Variants in USP36 observed in about 807,000 individuals in gnomAD.
The protein encoded by USP36 is ubiquitin specific peptidase 36.
A neutral mutation model predicts 111.5 loss-of-function variants in USP36; 59 were observed. The observed-to-expected ratio is 0.53, with a 90% CI of 0.43 to 0.66. The LOEUF (loss-of-function observed/expected upper bound fraction) is 0.66, where lower values mean the gene tolerates loss of function less well. USP36 is among the 30% of genes least tolerant of loss of function. The probability of loss-of-function intolerance (pLI) is 0.00; values close to 1 mark genes in which losing one functional copy is unlikely to be tolerated. For missense variants in USP36, 1,488 were observed against 1,468.0 expected (o/e 1.01, Z -0.22); for synonymous variants, 628 against 581.0 (o/e 1.08, Z -1.16).
rs531478479 is a variant in USP36, at chr17:78,815,834, T to C, written c.1024-1282A>G. 4.4e-3 allele frequency among the ~76,000 whole-genome samples: 597 copies of C among 134,646 alleles called. 12 individuals carry two copies. The East Asian group carries it at 0.068, about 15-fold the overall frequency. The allele number at this position is 134,646 out of a possible 152,430, so 88.3% of individuals were successfully genotyped here. Reference sequence around the variant, plus strand: ...TCGTATACACACATGCACACATATATACATACACACACACATATGCATGCA... The same window carrying C: ...TCGTATACACACATGCACACATATACACATACACACACACATATGCATGCA... On this transcript the variant is annotated intron_variant, in intron 10 of 20. Coordinates refer to ENST00000449938, the MANE Select transcript of USP36 (RefSeq NM_001385174.1).
At chr17:78,834,817 G>T (rs2068494614) in intron 4 of USP36, among the ~76,000 whole-genome samples, 1 of 151,884 alleles carries the variant, frequency 6.6e-6, no homozygotes, top group African/African-American at 2.4e-5. Flanking sequence ...TACAACAACA[G>T]ATGCATAAAA....
intron 6 of USP36, among the ~76,000 whole-genome samples, chr17:78,822,938 G>C (rs2094365516): frequency 2.0e-5 from 3 of 152,106 alleles, no homozygotes; most frequent in African/African-American, 7.2e-5. Context: ...AGGCTCTCCA[G>C]CCCCGTCTCC....
In USP36 at chr17:78,803,781, G is replaced by A. The variant is rs756686721; in HGVS notation, c.2414C>T (p.Pro805Leu). 19 of 1,612,730 alleles carry A rather than the reference G, an allele frequency of 1.2e-5. No homozygotes were observed. The highest frequency in any genetic ancestry group is 1.7e-4 in the Middle Eastern group (1 of 5,916). ...TTTCCTCTTCTCAGAGGGGCTCTGG[G>A]GGGGCTCACTGGCCTCTGGCAACTG... is the stretch of plus-strand genomic sequence containing the variant. ...PHQLPEASEP[P>L]QSPSEKRKKT... is the part of the protein sequence containing the mutation. Residue 805 changes from proline to leucine, a missense_variant, in exon 16 of 21, where the codon CCC (proline) becomes CTC (leucine). Around this residue, in one of 3 missense-constraint regions of USP36, gnomAD observed 1,073 missense variants for 994.1 expected, o/e 1.08. Transcript: ENST00000449938. The surrounding 1 kb of genome is among the most constrained non-coding windows in gnomAD (Gnocchi z 4.6).
At chr17:78,820,429 C>T (rs1345176942) in intron 8 of USP36, among the ~76,000 whole-genome samples, 1 of 152,176 alleles carries the variant, frequency 6.6e-6, no homozygotes, top group African/African-American at 2.4e-5. Context: ...CGCCACTGCA[C>T]TCCTGCCTGG....
intron 4 of USP36, among the ~76,000 whole-genome samples, chr17:78,832,554 G>A (rs2068245168): frequency 6.6e-6 from 1 of 152,224 alleles, no homozygotes; most frequent in South Asian, 2.1e-4. Context: ...CTGACATGCT[G>A]CAACAAACTG....
At chr17:78,805,646 T>C (rs2093878188) in intron 15 of USP36, among the ~76,000 whole-genome samples, 1 of 152,190 alleles carries the variant, frequency 6.6e-6, no homozygotes, top group Admixed American at 6.5e-5. Context: ...AGGGCCCACA[T>C]GCACAGGGAA....
intron 9 of USP36, 109 bp downstream of exon 9, chr17:78,819,821 C>A (rs1034916812): frequency 2.7e-6 from 3 of 1,109,904 alleles, no homozygotes; most frequent in African/African-American, 3.1e-5. Context: ...TCAAGAAATG[C>A]GAGCAGCGGT....
chr17:78,788,076 T>C (rs1359088230), intron 3 of USP36, among the ~76,000 whole-genome samples: 1 of 152,206 alleles, frequency 6.6e-6, no homozygotes, highest in Non-Finnish European at 1.5e-5. Flanking sequence ...GCCACCCAGT[T>C]TGTAGTCCTT....
chr17:78,819,726 G>A (rs2094273255), intron 9 of USP36, among the ~76,000 whole-genome samples: 1 of 152,254 alleles, frequency 6.6e-6, no homozygotes, highest in African/African-American at 2.4e-5. Context: ...AACAGGTATG[G>A]TGTAAACTGT....
At chr17:78,831,942 C>CA (rs573258267) in intron 4 of USP36, among the ~76,000 whole-genome samples, 35,253 of 77,056 alleles carry the variant, frequency 0.46, 8,603 homozygotes, top group Non-Finnish European at 0.57. Flanking sequence ...GAGCTTGTCT[C>CA]AAAAAAAAAA....
At chr17:78,822,379 C>T (rs1459191612) in intron 6 of USP36, among the ~76,000 whole-genome samples, 1 of 152,188 alleles carries the variant, frequency 6.6e-6, no homozygotes, top group Non-Finnish European at 1.5e-5. Flanking sequence ...AGGCGGGAGG[C>T]CAAACATCCC....
Position 78,817,309 on chromosome 17 carries a change from A to G in USP36, c.1023+1358T>C, listed in dbSNP as rs767268618. On this transcript the variant is annotated intron_variant, in intron 10 of 20. Transcript: ENST00000449938. ...TGCCCTTGTGGTTACACGACACCTG[A>G]GTCTACGACATTAAGAATCTGCAAA... 3.3e-5 allele frequency among the ~76,000 whole-genome samples: 5 copies of G among 152,238 alleles called. No homozygotes were observed. In the East Asian group the frequency reaches 9.6e-4, roughly 29 times the overall value.
At chr17:78,824,193 A>G (rs1275110385) in intron 6 of USP36, among the ~76,000 whole-genome samples, 1 of 152,234 alleles carries the variant, frequency 6.6e-6, no homozygotes, top group East Asian at 1.9e-4. Flanking sequence ...GCAATGAGCA[A>G]TGGGAAGATG....
chr17:78,799,589 A>C, intron 18 of USP36, 78 bp downstream of exon 18: 3 of 1,297,768 alleles, frequency 2.3e-6, no homozygotes, highest in South Asian at 1.2e-5. Context: ...ACAGTGCACC[A>C]GGATCCATTC....
At chr17:78,795,502 C>A (rs971737771), downstream of USP36, 2 of 152,206 alleles carry the variant, frequency 1.3e-5, no homozygotes, top group African/African-American at 4.8e-5. This position sits in a 1 kb window ranked among gnomAD's most constrained non-coding sequence, Gnocchi z 4.5. Context: ...GGGCTGCTCT[C>A]ATAACCTCCT....
At chr17:78,799,877 CT>C (rs549964435) in intron 17 of USP36, 109 bp from the exon 18 acceptor site, 7,256 of 154,288 alleles carry the variant, frequency 0.047, 1 homozygote, top group South Asian at 0.061. Context: ...GGATGCTTGC[CT>C]TTTTTTTTTT....
intron 12 of USP36, 142 bp from the exon 13 acceptor site, chr17:78,813,143 C>T: frequency 9.1e-7 from 1 of 1,096,564 alleles, no homozygotes; most frequent in East Asian, 2.5e-5. Context: ...TCTGGAATCT[C>T]CCTTTGCCTT....
chr17:78,810,555 C>T (rs535946135), intron 13 of USP36, among the ~76,000 whole-genome samples: 1 of 152,248 alleles, frequency 6.6e-6, no homozygotes, highest in East Asian at 1.9e-4. Flanking sequence ...GTTGGAATTA[C>T]AGACATGAGT....
chr17:78,799,707 T>C lies in USP36; in HGVS notation c.3084A>G (p.Glu1028=). The C allele has an allele frequency of 6.2e-7, 1 of 1,613,122 alleles. No individual in the cohort carries two copies. The highest frequency in any genetic ancestry group is 8.5e-7 in the Non-Finnish European group (1 of 1,179,670). Residue 1028 remains glutamate (E), a synonymous_variant, in exon 18 of 21, where the codon GAA becomes GAG. Coordinates refer to ENST00000449938, the MANE Select transcript of USP36 (RefSeq NM_001385174.1). ...CTTTATCAGATGAGTATTTGAGCAG[T>C]TCCTGGACCACATCAGACTCCCGCT... is the stretch of plus-strand genomic sequence containing the variant. ...NGERESDVVQ[E]LLKYSSDKAY... is the part of the protein sequence containing the mutation.
Sources: allele counts gnomAD v4.1 joint callset (sites outside exome capture counted in the v4.1 genomes callset), GRCh38; gene constraint gnomAD v4.1.1; regional missense constraint gnomAD v4.1.1; non-coding constraint Gnocchi (gnomAD v3.1); transcripts MANE v1.5; gene names NCBI Gene and HGNC (gene_info 2026-07-23, HGNC 2026-07-21).